SEMA3A: variants seen among roughly 807,000 people sequenced by gnomAD.
SEMA3A encodes semaphorin-3A.
In SEMA3A, 29 loss-of-function variants were observed where a neutral mutation model predicts 97.9. That is an observed-to-expected ratio of 0.30 (90% CI 0.22 to 0.40). SEMA3A has a LOEUF of 0.40. SEMA3A is among the 10% of genes least tolerant of loss of function. SEMA3A has a pLI of 1.00. For missense variants in SEMA3A, 763 were observed against 951.3 expected, an observed-to-expected ratio of 0.80 and a Z score of 2.60; for synonymous variants, 321 against 323.7, an observed-to-expected ratio of 0.99 and a Z score of 0.09.
intron 1 of SEMA3A, among the ~76,000 whole-genome samples, chr7:84,400,873 A>T (rs1327979739): frequency 3.3e-5 from 5 of 152,170 alleles, no homozygotes; most frequent in Admixed American, 6.5e-5. Flanking sequence ...AAATACCTCA[A>T]ATCAATATAG....
intron 2 of SEMA3A, among the ~76,000 whole-genome samples, chr7:84,349,684 C>T (rs772340606): frequency 7.9e-5 from 12 of 152,264 alleles, no homozygotes; most frequent in East Asian, 5.8e-4. Context: ...CAAAACAGTA[C>T]GCTCTCTGTT....
At chr7:84,382,211 A>C (rs1803278800) in intron 1 of SEMA3A, among the ~76,000 whole-genome samples, 1 of 152,006 alleles carries the variant, frequency 6.6e-6, no homozygotes, top group South Asian at 2.1e-4. Context: ...GGGTTCAAAC[A>C]ATTCTCCTGC....
chr7:84,225,850 G>A (rs1007817077), intron 3 of SEMA3A, among the ~76,000 whole-genome samples: 5 of 152,032 alleles, frequency 3.3e-5, no homozygotes, highest in African/African-American at 1.2e-4. Context: ...ATAAGATAAC[G>A]TGCTGTCTAC....
chr7:84,125,831 G>A (rs1795776860), intron 3 of SEMA3A, among the ~76,000 whole-genome samples: 1 of 152,178 alleles, frequency 6.6e-6, no homozygotes. Context: ...CATTGAATGA[G>A]TTGATCCAAT....
At chr7:84,294,109 G>A (rs779209575) in intron 3 of SEMA3A, among the ~76,000 whole-genome samples, 4 of 151,948 alleles carry the variant, frequency 2.6e-5, no homozygotes, top group African/African-American at 9.7e-5. Flanking sequence ...TGAACATTTT[G>A]TATATTTTTG....
chr7:83,969,831 G>T (rs1336259001), intron 15 of SEMA3A, among the ~76,000 whole-genome samples: 1 of 152,138 alleles, frequency 6.6e-6, no homozygotes, highest in African/African-American at 2.4e-5. Context: ...AGAAGAGAAA[G>T]AGAACTGAGA....
intron 12 of SEMA3A, among the ~76,000 whole-genome samples, chr7:83,990,931 T>C (rs1187694925): frequency 2.6e-5 from 4 of 152,164 alleles, no homozygotes; most frequent in Non-Finnish European, 4.4e-5. Flanking sequence ...TTTCACGATA[T>C]TGATTCTTCC....
At chr7:84,294,053 T>C (rs1168673932) in intron 3 of SEMA3A, among the ~76,000 whole-genome samples, 1 of 152,080 alleles carries the variant, frequency 6.6e-6, no homozygotes, top group Non-Finnish European at 1.5e-5. Flanking sequence ...GGTAAAATAT[T>C]CAATAATATG....
chr7:84,319,458 A>T (rs1227105859), intron 2 of SEMA3A, among the ~76,000 whole-genome samples: 2 of 152,148 alleles, frequency 1.3e-5, no homozygotes, highest in East Asian at 3.9e-4. Context: ...TGGCATAATA[A>T]TTTCCTTAAC....
chr7:84,040,717 C>T (rs1011718943), intron 6 of SEMA3A, among the ~76,000 whole-genome samples: 5 of 151,878 alleles, frequency 3.3e-5, no homozygotes, highest in Non-Finnish European at 7.4e-5. Flanking sequence ...CCTATTGAGA[C>T]CCACCAAGCT....
chr7:84,073,307 G>C (rs182956017), intron 4 of SEMA3A, among the ~76,000 whole-genome samples: 2 of 151,966 alleles, frequency 1.3e-5, no homozygotes, highest in East Asian at 3.9e-4. Flanking sequence ...GTGAGTGTAG[G>C]AGGCCAGTAG....
At chr7:84,406,907 A>G (rs994449872) in intron 1 of SEMA3A, among the ~76,000 whole-genome samples, 1 of 152,194 alleles carries the variant, frequency 6.6e-6, no homozygotes, top group Non-Finnish European at 1.5e-5. Flanking sequence ...ATCTCAAAAT[A>G]ATAAGAGTTA....
chr7:84,198,690 C>G (rs1222058548), upstream of SEMA3A, among the ~76,000 whole-genome samples: 1 of 152,152 alleles, frequency 6.6e-6, no homozygotes, highest in African/African-American at 2.4e-5. Context: ...ATATGATTAA[C>G]TCCTGCCGTG....
chr7:84,345,804 G>A (rs1215476985), intron 2 of SEMA3A, among the ~76,000 whole-genome samples: 1 of 152,134 alleles, frequency 6.6e-6, no homozygotes, highest in Non-Finnish European at 1.5e-5. Flanking sequence ...TGATTCATGA[G>A]GGTTGGCATC....
chr7:84,352,225 G>T (rs189459380), intron 2 of SEMA3A, among the ~76,000 whole-genome samples: 3 of 152,042 alleles, frequency 2.0e-5, no homozygotes, highest in Admixed American at 2.0e-4. Flanking sequence ...GTTACCAGAG[G>T]CTGGAAAGGT....
At chr7:83,969,616 G>A (rs1788842536) in intron 15 of SEMA3A, among the ~76,000 whole-genome samples, 1 of 152,122 alleles carries the variant, frequency 6.6e-6, no homozygotes, top group South Asian at 2.1e-4. Context: ...ATGAATAAAA[G>A]TTTAATCAAT....
chr7:84,281,470 T>C (rs147896222), intron 3 of SEMA3A, among the ~76,000 whole-genome samples: 184 of 152,260 alleles, frequency 1.2e-3, no homozygotes, highest in African/African-American at 4.2e-3. Flanking sequence ...CATGTGAGCA[T>C]CACCCAGGGA....
intron 3 of SEMA3A, among the ~76,000 whole-genome samples, chr7:84,305,190 C>A (rs1801122022): frequency 6.8e-6 from 1 of 147,772 alleles, no homozygotes; most frequent in Admixed American, 6.8e-5. Flanking sequence ...TAAGCTATTT[C>A]AAAACTCACT....
At chr7:84,271,753 T>C (rs1438006357) in intron 3 of SEMA3A, among the ~76,000 whole-genome samples, 2 of 151,986 alleles carry the variant, frequency 1.3e-5, no homozygotes, top group East Asian at 1.9e-4. Flanking sequence ...GGCAATGGAG[T>C]GGGCACAGAT....
Sources: gnomAD v4.1 joint callset for allele counts (sites outside exome capture counted in the v4.1 genomes callset) on GRCh38, gnomAD v4.1.1 for gene constraint, MANE v1.5 for transcripts, NCBI Gene and HGNC (gene_info 2026-07-23, HGNC 2026-07-21) for gene names.